Variants in ST8SIA6 observed in about 807,000 individuals in gnomAD.
ST8SIA6 encodes the protein alpha-2,8-sialyltransferase 8F.
In ST8SIA6, 39 loss-of-function variants were observed where a neutral mutation model predicts 33.6. The observed-to-expected ratio is 1.16, with a 90% CI of 0.90 to 1.52. ST8SIA6 has a LOEUF of 1.52. ST8SIA6 is among the 40% of genes most tolerant of loss of function. The probability of loss-of-function intolerance (pLI) is 0.00; values close to 1 mark genes in which losing one functional copy is unlikely to be tolerated. For missense variants in ST8SIA6, 441 were observed against 443.8 expected (o/e 0.99, Z 0.06); for synonymous variants, 172 against 167.2 (o/e 1.03, Z -0.22).
At chr10:17,379,027 G>T (rs1001890427) in intron 3 of ST8SIA6, among the ~76,000 whole-genome samples, 4 of 151,934 alleles carry the variant, frequency 2.6e-5, no homozygotes, top group African/African-American at 7.3e-5. Flanking sequence ...TGGGGAGGCT[G>T]AGGCAGAAGA....
In ST8SIA6 at chr10:17,438,475, A is replaced by T. The variant is rs557521063; in HGVS notation, c.200+15084T>A. ...AGTCTGTTTTTCTGAAAACTAAACT[A>T]AAAAAAAAAAATGACACCTATAAAA... On this transcript the variant is annotated intron_variant, in intron 2 of 7. Transcript: ENST00000377602. Among the ~76,000 whole-genome samples, 285 of 137,322 alleles carry T rather than the reference A, an allele frequency of 2.1e-3. 3 individuals carry two copies. Among genetic ancestry groups the T allele is most frequent in the African/African-American group, 8.1e-3 (267 of 32,792 alleles). The allele number at this position is 137,322 out of a possible 152,430, so 90.1% of individuals were successfully genotyped here.
rs563238584 is a variant in ST8SIA6 at position 17,322,002 on chromosome 10, C to A, written c.729-656G>T. On this transcript the variant is annotated intron_variant, in intron 7 of 7. Transcript: ENST00000377602. ...CCTGTAGTCCCAGCTACTTGTGAGG[C>A]TGAGGTGAGAGGATCCCTTGAGCCC... 2.2e-4 allele frequency among the ~76,000 whole-genome samples: 34 copies of A among 151,820 alleles called. No homozygotes were observed. The South Asian group carries it at 5.4e-3, about 24-fold the overall frequency.
intron 2 of ST8SIA6, 98 bp from the exon 3 acceptor site, chr10:17,390,718 A>G: frequency 1.0e-6 from 1 of 970,146 alleles, no homozygotes. Context: ...AGTGTGTCCA[A>G]ATGAAGTCTC....
At chr10:17,382,546 G>A (rs186304962) in intron 3 of ST8SIA6, among the ~76,000 whole-genome samples, 104 of 152,312 alleles carry the variant, frequency 6.8e-4, no homozygotes, top group African/African-American at 2.3e-3. Flanking sequence ...GATTACAGGC[G>A]TGAGCCACCG....
intron 4 of ST8SIA6, among the ~76,000 whole-genome samples, chr10:17,347,544 T>C (rs184001641): frequency 2.6e-5 from 4 of 151,034 alleles, no homozygotes; most frequent in African/African-American, 7.3e-5. Flanking sequence ...CGGAGTGAGA[T>C]TGTGAAAAAG....
intron 2 of ST8SIA6, among the ~76,000 whole-genome samples, chr10:17,396,195 C>T (rs1441771285): frequency 6.6e-6 from 1 of 152,126 alleles, no homozygotes; most frequent in African/African-American, 2.4e-5. Flanking sequence ...TCTTGACAGC[C>T]CTCTCAATTC....
At chr10:17,332,193 T>C (rs1188087189) in intron 4 of ST8SIA6, among the ~76,000 whole-genome samples, 1 of 152,224 alleles carries the variant, frequency 6.6e-6, no homozygotes, top group Non-Finnish European at 1.5e-5. Context: ...CAATCTATCA[T>C]TGATGGGCAT....
chr10:17,377,637 C>G (rs1293152357), intron 3 of ST8SIA6, among the ~76,000 whole-genome samples: 2 of 152,054 alleles, frequency 1.3e-5, no homozygotes, highest in Non-Finnish European at 2.9e-5. Context: ...TGGCAACTGC[C>G]TAATTTTCAT....
chr10:17,346,601 G>GT (rs1054861317), intron 4 of ST8SIA6, among the ~76,000 whole-genome samples: 1 of 152,080 alleles, frequency 6.6e-6, no homozygotes, highest in Non-Finnish European at 1.5e-5. Flanking sequence ...CTCAAAAACA[G>GT]TAACAACAAC....
intron 3 of ST8SIA6, among the ~76,000 whole-genome samples, chr10:17,362,981 A>T (rs571938094): frequency 1.3e-5 from 2 of 152,264 alleles, no homozygotes; most frequent in South Asian, 4.1e-4. Context: ...AAGTGCTGGG[A>T]TTACAGGCCT....
chr10:17,391,300 T>C (rs2131663775), intron 2 of ST8SIA6, among the ~76,000 whole-genome samples: 1 of 152,270 alleles, frequency 6.6e-6, no homozygotes, highest in African/African-American at 2.4e-5. Context: ...TGTTGCTCTG[T>C]CGCCCAGGCT....
chr10:17,435,461 G>T (rs1250733950), intron 2 of ST8SIA6, among the ~76,000 whole-genome samples: 1 of 152,118 alleles, frequency 6.6e-6, no homozygotes, highest in Non-Finnish European at 1.5e-5. Flanking sequence ...CTGTGTTTTG[G>T]CTTCTCCTTT....
At chr10:17,443,190 C>T (rs550497094) in intron 2 of ST8SIA6, among the ~76,000 whole-genome samples, 1 of 152,204 alleles carries the variant, frequency 6.6e-6, no homozygotes, top group East Asian at 1.9e-4. Flanking sequence ...CCTGAAATAG[C>T]AAAGTACCAA....
intron 2 of ST8SIA6, among the ~76,000 whole-genome samples, chr10:17,413,978 C>G (rs1272354144): frequency 6.6e-6 from 1 of 152,172 alleles, no homozygotes; most frequent in African/African-American, 2.4e-5. Context: ...TTCTAGTATT[C>G]TCTCTGCAGT....
At chr10:17,336,205 C>T (rs1848494052) in intron 4 of ST8SIA6, among the ~76,000 whole-genome samples, 1 of 152,116 alleles carries the variant, frequency 6.6e-6, no homozygotes. Context: ...GATTTGCCCG[C>T]CTCAGCCTCC....
At chr10:17,390,093 G>A (rs1482583888) in intron 3 of ST8SIA6, among the ~76,000 whole-genome samples, 2 of 152,098 alleles carry the variant, frequency 1.3e-5, no homozygotes, top group African/African-American at 2.4e-5. Context: ...GGGTTCAAAC[G>A]ATCCTCCTGG....
rs186650244 is a variant in ST8SIA6, at chr10:17,445,306, C to T, written c.200+8253G>A. Among the ~76,000 whole-genome samples the T allele has an allele frequency of 7.5e-3, 1,145 of 152,218 alleles. 7 individuals are homozygous for T. The highest frequency in any genetic ancestry group is 0.02 in the Middle Eastern group (6 of 294). Reference sequence around the variant, plus strand: ...CTCTTCCAGACTATTTACATTCTTACGAACAGACACAAGTCTACACAAAAT... The same window carrying T: ...CTCTTCCAGACTATTTACATTCTTATGAACAGACACAAGTCTACACAAAAT... On this transcript the variant is annotated intron_variant, in intron 2 of 7. Coordinates refer to ENST00000377602, the MANE Select transcript of ST8SIA6 (RefSeq NM_001004470.3).
chr10:17,423,260 G>A (rs527465087), intron 2 of ST8SIA6, among the ~76,000 whole-genome samples: 6 of 152,280 alleles, frequency 3.9e-5, no homozygotes, highest in South Asian at 2.1e-4. Flanking sequence ...TTACAATTGC[G>A]CACTTCTGTT....
chr10:17,384,860 T>G (rs448268), intron 3 of ST8SIA6, among the ~76,000 whole-genome samples: 2 of 151,836 alleles, frequency 1.3e-5, no homozygotes, highest in East Asian at 3.9e-4. Flanking sequence ...TGTAGCTTTT[T>G]CCCCCTTCCT....
Sources: gnomAD v4.1 joint callset for allele counts (sites outside exome capture counted in the v4.1 genomes callset) on GRCh38, gnomAD v4.1.1 for gene constraint, MANE v1.5 for transcripts, NCBI Gene and HGNC (gene_info 2026-07-23, HGNC 2026-07-21) for gene names.